The following DCAF6 variants were observed in gnomAD, a reference collection of about 807,000 sequenced individuals.
DCAF6 encodes the protein DDB1- and CUL4-associated factor 6.
Under a neutral mutation model 125.1 loss-of-function variants are expected in DCAF6, and 54 were observed. That is an observed-to-expected ratio of 0.43 (90% CI 0.35 to 0.54). The LOEUF (loss-of-function observed/expected upper bound fraction) is 0.54, where lower values mean the gene tolerates loss of function less well. DCAF6 is among the 20% of genes least tolerant of loss of function. DCAF6 has a pLI of 0.01. For missense variants in DCAF6, 934 were observed against 1,161.7 expected, an observed-to-expected ratio of 0.80 and a Z score of 2.85; for synonymous variants, 371 against 390.4, an observed-to-expected ratio of 0.95 and a Z score of 0.58.
intron 18 of DCAF6, among the ~76,000 whole-genome samples, chr1:168,064,872 A>G (rs1362201645): frequency 6.6e-6 from 1 of 152,194 alleles, no homozygotes; most frequent in Non-Finnish European, 1.5e-5. Context: ...TGTCATTATA[A>G]CTATTCCAGT....
intron 12 of DCAF6, among the ~76,000 whole-genome samples, chr1:168,034,376 T>C (rs1687533466): frequency 6.6e-6 from 1 of 152,110 alleles, no homozygotes; most frequent in Non-Finnish European, 1.5e-5. Context: ...TTGGGCATGG[T>C]GACACACACC....
intron 2 of DCAF6, among the ~76,000 whole-genome samples, chr1:167,953,473 T>C (rs1674296736): frequency 6.6e-6 from 1 of 152,190 alleles, no homozygotes. Flanking sequence ...CCTTGGCATA[T>C]TGGACCAAAA....
intron 12 of DCAF6, among the ~76,000 whole-genome samples, chr1:168,029,958 T>TGAC (rs1044963470): frequency 2.0e-5 from 3 of 147,534 alleles, no homozygotes; most frequent in African/African-American, 7.5e-5. Context: ...CCAGCCTGGG[T>TGAC]GACAGAGCAA....
chr1:167,960,723 G>A (rs1675458062), intron 2 of DCAF6, among the ~76,000 whole-genome samples: 1 of 152,162 alleles, frequency 6.6e-6, no homozygotes, highest in Non-Finnish European at 1.5e-5. Context: ...ATTTGTTAAA[G>A]TGTATTTTAA....
chr1:167,993,398 A>G lies in DCAF6; in HGVS notation c.861A>G (p.Ala287=). The part of the protein sequence containing the change: ...IYLFDPKDDT[A]RELKTPSAEE... Reference sequence around the variant, plus strand: ...TTTTTGACCCGAAAGATGATACAGCACGAGAACTTAAAACTCCTTCTGCGG... The same window carrying G: ...TTTTTGACCCGAAAGATGATACAGCGCGAGAACTTAAAACTCCTTCTGCGG... The change falls in exon 7 of 22, where the codon GCA becomes GCG. Residue 287 remains alanine, a synonymous_variant. Coordinates refer to ENST00000367840, the MANE Select transcript of DCAF6 (RefSeq NM_001198956.2). The G allele has an allele frequency of 2.5e-6, 4 of 1,613,914 alleles. No individual in the cohort carries two copies. The highest frequency in any genetic ancestry group is 3.4e-6 in the Non-Finnish European group (4 of 1,179,850).
the DCAF6 span, among the ~76,000 whole-genome samples, chr1:167,916,081 C>T: frequency 2.0e-5 from 3 of 152,138 alleles, no homozygotes; most frequent in Non-Finnish European, 2.9e-5. Context: ...ATTATTTTTA[C>T]GGAGTTCAGT....
intron 4 of DCAF6, among the ~76,000 whole-genome samples, chr1:167,986,557 A>G (rs540551941): frequency 1.6e-4 from 24 of 152,276 alleles, no homozygotes; most frequent in African/African-American, 5.8e-4. Context: ...TTTTCCATGG[A>G]GTGGGGATGG....
Position 167,966,711 on chromosome 1 carries a change from A to G in DCAF6, c.242A>G (p.Tyr81Cys). ...DDTKLVISNP[Y>C]SRKVLTTIRS... ...ACCAAATTAGTAATTAGTAATCCTTACAGCAGAAAGGTAAAGTAGTTTAAA... is the reference window on the plus strand; with the variant it reads ...ACCAAATTAGTAATTAGTAATCCTTGCAGCAGAAAGGTAAAGTAGTTTAAA... The change falls in exon 3 of 22, where the codon TAC becomes TGC. Residue 81 changes from tyrosine to cysteine, a missense_variant. Transcript: ENST00000367840. The G allele has an allele frequency of 1.9e-6, 3 of 1,577,962 alleles. No homozygotes were observed. In the South Asian group the frequency reaches 3.4e-5, roughly 18 times the overall value.
the DCAF6 span, among the ~76,000 whole-genome samples, chr1:167,926,023 T>C: frequency 1.2e-4 from 19 of 152,350 alleles, no homozygotes; most frequent in African/African-American, 4.6e-4. Context: ...TCAGAGAAGC[T>C]GGGTATCATT....
At chr1:167,998,204 T>C (rs1238827018) in intron 7 of DCAF6, among the ~76,000 whole-genome samples, 3 of 152,240 alleles carry the variant, frequency 2.0e-5, no homozygotes, top group African/African-American at 7.2e-5. Flanking sequence ...GTTATGTTTA[T>C]ACTGTACCAT....
At chr1:167,924,552 A>C in the DCAF6 span, 57 of 1,506,082 alleles carry the variant, frequency 3.8e-5, no homozygotes, top group African/African-American at 5.7e-5. Context: ...AAAAAAAAAG[A>C]AAAGAAAAAT....
Position 167,969,611 on chromosome 1 carries a change from ATCTAT to A in DCAF6, c.252+2891_252+2895del, listed in dbSNP as rs138243810. Among the ~76,000 whole-genome samples, 446 of 152,258 alleles carry A rather than the reference ATCTAT, an allele frequency of 2.9e-3. 1 individual carries two copies. Among genetic ancestry groups the A allele is most frequent in the African/African-American group, 0.01 (424 of 41,538 alleles). On this transcript the variant is annotated intron_variant, in intron 3 of 21. Transcript: ENST00000367840. The stretch of plus-strand genomic sequence containing the variant: ...TAAGATATTTAAATAAGTGTGTATC[ATCTAT>A]CAGCTGAAAAAGAAGTTCATATTGA...
chr1:167,963,285 A>G (rs536247946), intron 2 of DCAF6, among the ~76,000 whole-genome samples: 7 of 152,042 alleles, frequency 4.6e-5, no homozygotes, highest in Admixed American at 1.3e-4. Context: ...CAAAATAATA[A>G]TTTTTAATTT....
At chr1:167,983,984 T>G (rs1679576191) in intron 4 of DCAF6, among the ~76,000 whole-genome samples, 1 of 152,190 alleles carries the variant, frequency 6.6e-6, no homozygotes, top group Non-Finnish European at 1.5e-5. Flanking sequence ...TGACTTACAG[T>G]GGCTGCGAAG....
At chr1:167,935,642 C>T (rs1671110438), upstream of DCAF6, 1 of 1,071,992 alleles carries the variant, frequency 9.3e-7, no homozygotes. Context: ...GTGGATGCCT[C>T]TAGAGGCAGT....
Position 168,068,468 on chromosome 1 carries a change from G to GTTGT in DCAF6, c.2791+5_2791+6insTTGT, listed in dbSNP as rs770851450. ...CACTTAATCATATCCGAGCTGGTAG[G>GTTGT]AACTTTAAGTATACTACTAAAACCA... On this transcript the variant is annotated splice_donor_region_variant and intron_variant, in intron 21 of 21. Coordinates refer to ENST00000367840, the MANE Select transcript of DCAF6 (RefSeq NM_001198956.2). The GTTGT allele has an allele frequency of 3.7e-5, 54 of 1,450,900 alleles. No homozygotes were observed. Among genetic ancestry groups the GTTGT allele is most frequent in the Non-Finnish European group, 5.0e-5 (54 of 1,089,796 alleles). 89.9% of individuals were successfully genotyped at this position (1,450,900 alleles called of 1,614,324 possible). A position where few individuals can be genotyped will look rare whatever the true frequency, so the allele number is the denominator to read the frequency against.
the DCAF6 span, among the ~76,000 whole-genome samples, chr1:167,899,115 G>A: frequency 6.6e-6 from 1 of 152,124 alleles, no homozygotes; most frequent in Non-Finnish European, 1.5e-5. Flanking sequence ...TCTGCTCCTG[G>A]ATGAACCGGC....
In DCAF6 at chr1:168,063,811, G is replaced by A. The variant is rs111359344; in HGVS notation, c.2439+52G>A. ...GTGAAATTGCAGTTTCATGCTCTGA[G>A]TGTTTTTCCATAATGATTTATCTTC... On this transcript the variant is annotated intron_variant, in intron 18 of 21. Coordinates refer to ENST00000367840, the MANE Select transcript of DCAF6 (RefSeq NM_001198956.2). 1,653 of 1,551,420 alleles carry A rather than the reference G, an allele frequency of 1.1e-3. 15 individuals carry two copies. In the African/African-American group the frequency reaches 0.019, roughly 17 times the overall value.
rs758545042 is a variant in DCAF6, at chr1:167,936,999, C to T, written c.88C>T (p.Arg30Cys). The T allele has an allele frequency of 1.2e-6, 2 of 1,609,484 alleles. No individual in the cohort carries two copies. Among genetic ancestry groups the T allele is most frequent in the Non-Finnish European group, 1.7e-6 (2 of 1,178,594 alleles). Residue 30 changes from arginine (R) to cysteine (C), a missense_variant, in exon 1 of 22, where the codon CGC becomes TGC. By Grantham distance (180) the Arg-to-Cys change is radical. Around this residue, in one of 5 missense-constraint regions of DCAF6, gnomAD observed 309 missense variants for 381.2 expected, o/e 0.81. Coordinates refer to ENST00000367840, the MANE Select transcript of DCAF6 (RefSeq NM_001198956.2). ...GLEDPSRLRS[R>C]YLGRREFIQR... ...GGAGGACCCGTCCCGGCTGCGGAGTCGCTACCTGGGTGAGCGGGGGCCCCG... is the reference window on the plus strand; with the variant it reads ...GGAGGACCCGTCCCGGCTGCGGAGTTGCTACCTGGGTGAGCGGGGGCCCCG...
Sources: gnomAD v4.1 joint callset for allele counts (sites outside exome capture counted in the v4.1 genomes callset) on GRCh38, gnomAD v4.1.1 for gene constraint, gnomAD v4.1.1 regional missense constraint, MANE v1.5 for transcripts, NCBI Gene and HGNC (gene_info 2026-07-23, HGNC 2026-07-21) for gene names.